Variants in NAV2 observed in about 807,000 individuals in gnomAD.
NAV2 encodes the protein helicase, APC down-regulated 1.
NAV2 carries 54 observed loss-of-function variants against 223.2 expected under a neutral mutation model. That is an observed-to-expected ratio of 0.24 (90% CI 0.19 to 0.30). The LOEUF (loss-of-function observed/expected upper bound fraction) is 0.30. Among genes scored for constraint, NAV2 ranks in the 10% least tolerant of loss-of-function variants. The pLI, the probability that NAV2 is intolerant of heterozygous loss-of-function variation, is 1.00. For synonymous variants in NAV2, 1,279 were observed against 1,239.3 expected (o/e 1.03, Z -0.67); for missense variants, 2,806 against 3,147.5 (o/e 0.89, Z 2.60).
rs138467880 is a variant in NAV2 at position 19,939,701 on chromosome 11, A to G, written c.2074A>G (p.Ser692Gly). The G allele has an allele frequency of 2.5e-6, 4 of 1,614,048 alleles. No individual in the cohort carries two copies. The highest frequency in any genetic ancestry group is 3.4e-6 in the Non-Finnish European group (4 of 1,180,024). The stretch of plus-strand genomic sequence containing the variant: ...TGAAGGGAATGTTACTGCCGAGTCA[A>G]GCTCAACAGGTGTGAGCGTGGAGCC... ...DTEGNVTAES[S>G]STGVSVEPSH... Residue 692 changes from serine (S) to glycine (G), a missense_variant, in exon 8 of 38, where the codon AGC becomes GGC. Around this residue, in one of 4 missense-constraint regions of NAV2, gnomAD observed 1,167 missense variants for 1,180.5 expected, o/e 0.99. Coordinates refer to ENST00000349880, the MANE Select transcript of NAV2 (RefSeq NM_145117.5).
chr11:20,093,135 G>A lies in NAV2; in HGVS notation c.5852G>A (p.Arg1951Gln), dbSNP rs758875251. 27 of 1,613,904 alleles carry A rather than the reference G, an allele frequency of 1.7e-5. No individual in the cohort carries two copies. The highest frequency in any genetic ancestry group is 1.3e-4 in the East Asian group (6 of 44,876). Residue 1951 changes from arginine to glutamine, a missense_variant, in exon 29 of 38, where the codon CGG (arginine) becomes CAG (glutamine). Arg to Gln is a conservative substitution (Grantham distance 43). Transcript: ENST00000349880. ...GATGACACTGGTGAATGCTCGGCTC[G>A]GAAGGAAGGAGGCAGGCATGTTAAG... ...LLDDTGECSA[R>Q]KEGGRHVKIV...
chr11:19,804,104 G>A (rs961393050), intron 1 of NAV2, among the ~76,000 whole-genome samples: 1 of 152,164 alleles, frequency 6.6e-6, no homozygotes, highest in Non-Finnish European at 1.5e-5. Flanking sequence ...ATGCACTAAA[G>A]AGAGCAGGTG....
chr11:19,464,290 G>A (rs958320116), intron 1 of NAV2, among the ~76,000 whole-genome samples: 3 of 152,170 alleles, frequency 2.0e-5, no homozygotes, highest in African/African-American at 7.2e-5. Flanking sequence ...GTGAGGGGCT[G>A]GGGCCCGGAA....
At chr11:19,513,590 C>G (rs1486659198) in intron 1 of NAV2, among the ~76,000 whole-genome samples, 1 of 152,166 alleles carries the variant, frequency 6.6e-6, no homozygotes, top group Non-Finnish European at 1.5e-5. Flanking sequence ...GTAAATCTCT[C>G]CCTTTTGATG....
At chr11:19,611,581 C>T (rs904410918) in intron 1 of NAV2, among the ~76,000 whole-genome samples, 1 of 152,152 alleles carries the variant, frequency 6.6e-6, no homozygotes, top group Non-Finnish European at 1.5e-5. Context: ...TAAGGGGTTA[C>T]CCATGCAAGT....
chr11:19,582,826 T>A (rs980191498), intron 1 of NAV2, among the ~76,000 whole-genome samples: 2 of 152,184 alleles, frequency 1.3e-5, no homozygotes, highest in Non-Finnish European at 2.9e-5. Context: ...TTCTTTTGGC[T>A]TAGGATTGAC....
intron 1 of NAV2, among the ~76,000 whole-genome samples, chr11:19,820,141 CCA>C (rs1488205780): frequency 1.3e-5 from 2 of 152,238 alleles, no homozygotes; most frequent in African/African-American, 4.8e-5. Flanking sequence ...TGTGACCAGA[CCA>C]GAGAGAGGCC....
At chr11:20,014,805 G>A (rs2053866215) in intron 11 of NAV2, among the ~76,000 whole-genome samples, 1 of 152,178 alleles carries the variant, frequency 6.6e-6, no homozygotes, top group Non-Finnish European at 1.5e-5. Flanking sequence ...GGGAGGCTGA[G>A]GCAGGAGACT....
chr11:19,760,429 G>A (rs1565269034), intron 1 of NAV2, among the ~76,000 whole-genome samples: 1 of 152,170 alleles, frequency 6.6e-6, no homozygotes, highest in African/African-American at 2.4e-5. Flanking sequence ...TTTCCCTCCT[G>A]GCTTCAGGGG....
chr11:19,553,036 C>T (rs558149670), intron 1 of NAV2, among the ~76,000 whole-genome samples: 6 of 152,328 alleles, frequency 3.9e-5, no homozygotes, highest in Non-Finnish European at 8.8e-5. Flanking sequence ...GCCTTGCCTC[C>T]AGTCTCAGCA....
intron 1 of NAV2, among the ~76,000 whole-genome samples, chr11:19,362,296 T>A (rs1256713163): frequency 6.6e-6 from 1 of 152,226 alleles, no homozygotes; most frequent in Non-Finnish European, 1.5e-5. Context: ...CACATACCAT[T>A]ATTAGACATT....
intron 1 of NAV2, among the ~76,000 whole-genome samples, chr11:19,820,258 A>G (rs1396572442): frequency 6.6e-6 from 1 of 152,232 alleles, no homozygotes; most frequent in Non-Finnish European, 1.5e-5. Flanking sequence ...AGCTGCTCCC[A>G]AGCCTTTCTG....
intron 1 of NAV2, among the ~76,000 whole-genome samples, chr11:19,549,353 G>A (rs1029874431): frequency 4.6e-5 from 7 of 152,182 alleles, no homozygotes; most frequent in South Asian, 2.1e-4. Flanking sequence ...AGAGGTTGGC[G>A]TCCTATTCCC....
Position 19,619,593 on chromosome 11 carries a change from T to G in NAV2, c.76-212891T>G, listed in dbSNP as rs190662570. ...GTGTCTGTTCATATCCTTCGCCCAC[T>G]TTTTGATGGGGTTGTTTGAATTTTT... On this transcript the variant is annotated intron_variant, in intron 1 of 37. Transcript: ENST00000360655. Among the ~76,000 whole-genome samples, 1,358 of 152,322 alleles carry G rather than the reference T, an allele frequency of 8.9e-3. 21 individuals are homozygous for G. The highest frequency in any genetic ancestry group is 0.03 in the African/African-American group (1,264 of 41,564).
intron 1 of NAV2, among the ~76,000 whole-genome samples, chr11:19,394,171 T>A (rs773695160): frequency 3.9e-5 from 6 of 152,126 alleles, no homozygotes; most frequent in Non-Finnish European, 5.9e-5. Flanking sequence ...AGTCACTGAG[T>A]CTCCTTAACA....
At chr11:19,778,146 T>C (rs1265648363) in intron 1 of NAV2, among the ~76,000 whole-genome samples, 1 of 152,220 alleles carries the variant, frequency 6.6e-6, no homozygotes, top group Non-Finnish European at 1.5e-5. Context: ...GGATTTTCCT[T>C]GCTGCCCAAA....
intron 6 of NAV2, among the ~76,000 whole-genome samples, chr11:19,903,971 T>G (rs2042656339): frequency 6.6e-6 from 1 of 152,220 alleles, no homozygotes; most frequent in South Asian, 2.1e-4. Flanking sequence ...ACAGCAGGCC[T>G]GAGCTAAAAT....
chr11:19,810,083 T>C (rs922570944), intron 1 of NAV2, among the ~76,000 whole-genome samples: 5 of 152,240 alleles, frequency 3.3e-5, no homozygotes, highest in African/African-American at 1.2e-4. Flanking sequence ...TGAAATTCTA[T>C]TTACATGGAA....
chr11:19,893,721 C>T (rs918100134), intron 6 of NAV2, among the ~76,000 whole-genome samples: 10 of 152,232 alleles, frequency 6.6e-5, no homozygotes, highest in African/African-American at 1.7e-4. Flanking sequence ...ATGGCACTAA[C>T]GCCATCACCA....
Sources: allele counts gnomAD v4.1 joint callset (sites outside exome capture counted in the v4.1 genomes callset), GRCh38; gene constraint gnomAD v4.1.1; regional missense constraint gnomAD v4.1.1; transcripts MANE v1.5; gene names NCBI Gene and HGNC (gene_info 2026-07-23, HGNC 2026-07-21).